Variants in RPAP3 observed in about 807,000 individuals in gnomAD.
RPAP3 encodes the protein RNA polymerase II-associated protein 3.
In RPAP3, 58 loss-of-function variants were observed where a neutral mutation model predicts 88.8. The ratio of observed to expected loss-of-function variants is 0.65; its 90% CI spans 0.53 to 0.81. The LOEUF is 0.81. Ranked by LOEUF, RPAP3 falls within the 40% of genes least tolerant of loss-of-function variation. The pLI is 0.00. For missense variants in RPAP3, 751 were observed against 764.3 expected (o/e 0.98, Z 0.20); for synonymous variants, 255 against 259.9 (o/e 0.98, Z 0.18).
intron 9 of RPAP3, among the ~76,000 whole-genome samples, chr12:47,683,175 C>T (rs1400908357): frequency 6.6e-6 from 1 of 152,190 alleles, no homozygotes. Flanking sequence ...TCCAGGAATT[C>T]CCCTGCCTGG....
At chr12:47,669,754 T>C (rs543729378) in intron 13 of RPAP3, among the ~76,000 whole-genome samples, 8 of 152,274 alleles carry the variant, frequency 5.3e-5, no homozygotes, top group African/African-American at 1.9e-4. Flanking sequence ...GATGAAATAA[T>C]GGCAATCCAT....
At chr12:47,678,090 C>T (rs1186930853) in intron 12 of RPAP3, among the ~76,000 whole-genome samples, 1 of 152,066 alleles carries the variant, frequency 6.6e-6, no homozygotes, top group East Asian at 1.9e-4. Context: ...TCAGAAATAA[C>T]ACCACACATC....
In RPAP3 at chr12:47,686,793, G is replaced by C; in HGVS notation, c.979C>G (p.Leu327Val). 1 of 1,582,036 alleles carries C rather than the reference G, an allele frequency of 6.3e-7. No individual in the cohort carries two copies. The highest frequency in any genetic ancestry group is 8.6e-7 in the Non-Finnish European group (1 of 1,166,694). The change falls in exon 9 of 17, where the codon CTG becomes GTG. Residue 327 changes from leucine (L) to valine (V), a missense_variant. Leu to Val is a conservative substitution (Grantham distance 32). Transcript: ENST00000005386. Reference sequence around the variant, plus strand: ...ACCAATACTTACTTCTGAATCTTCAGATAGGCCATAGCTCTGTTAGCTGGA... The same window carrying C: ...ACCAATACTTACTTCTGAATCTTCACATAGGCCATAGCTCTGTTAGCTGGA... ...LLPANRAMAY[L>V]KIQKYEEAEK...
chr12:47,673,002 G>C (rs531809276), intron 12 of RPAP3, among the ~76,000 whole-genome samples: 1 of 152,250 alleles, frequency 6.6e-6, no homozygotes, highest in East Asian at 1.9e-4. Flanking sequence ...GTCTTACAAA[G>C]ATGTAAAAGT....
chr12:47,677,509 A>G (rs1939140974), intron 12 of RPAP3, among the ~76,000 whole-genome samples: 1 of 152,112 alleles, frequency 6.6e-6, no homozygotes, highest in African/African-American at 2.4e-5. Context: ...TCTCAGCCCA[A>G]AATCTCCTTA....
chr12:47,703,629 T>C (rs1939703492), intron 1 of RPAP3, among the ~76,000 whole-genome samples: 1 of 152,016 alleles, frequency 6.6e-6, no homozygotes, highest in African/African-American at 2.4e-5. Context: ...CCCAGAGGTG[T>C]TGGAACTTTA....
intron 9 of RPAP3, among the ~76,000 whole-genome samples, chr12:47,686,027 AAATATCCTGAG>A (rs1420501877): frequency 6.6e-6 from 1 of 152,240 alleles, no homozygotes; most frequent in Non-Finnish European, 1.5e-5. Flanking sequence ...AAGCATTTAA[AAATATCCTGAG>A]AAGCGTTCAA....
At position 47,667,024 on chromosome 12, in the gene RPAP3, CTT is replaced by C; in HGVS notation, c.1866_1867del (p.Arg623ValfsTer2). The C allele has an allele frequency of 6.5e-7, 1 of 1,535,190 alleles. No homozygotes were observed. The highest frequency in any genetic ancestry group is 2.5e-5 in the East Asian group (1 of 40,154). ...CATAAACATCACTGCCATATCAAAC[CTT>C]TTTAGTTCAGAAAGTCTTTGTAAGA... On this transcript the variant is annotated frameshift_variant, in exon 16 of 17. Coordinates refer to ENST00000005386, the MANE Select transcript of RPAP3 (RefSeq NM_024604.3). LOFTEE classifies it high-confidence loss of function.
intron 8 of RPAP3, 43 bp from the exon 9 acceptor site, chr12:47,686,950 C>CA (rs747246311): frequency 5.4e-5 from 67 of 1,233,702 alleles, no homozygotes; most frequent in South Asian, 9.3e-5. Flanking sequence ...AAAAAAATTT[C>CA]AAAAAAAATA....
intron 12 of RPAP3, among the ~76,000 whole-genome samples, chr12:47,673,441 T>C (rs1939040589): frequency 1.1e-5 from 1 of 92,346 alleles, no homozygotes; most frequent in African/African-American, 4.7e-5. Flanking sequence ...TGAAACTCCG[T>C]CTCAAAAAAA....
At chr12:47,685,079 A>G (rs1250285404) in intron 9 of RPAP3, among the ~76,000 whole-genome samples, 1 of 152,180 alleles carries the variant, frequency 6.6e-6, no homozygotes, top group Non-Finnish European at 1.5e-5. Context: ...TTTGTCACCA[A>G]TAAAAATCAG....
intron 1 of RPAP3, among the ~76,000 whole-genome samples, chr12:47,705,626 C>A (rs186833827): frequency 7.2e-5 from 11 of 152,360 alleles, no homozygotes; most frequent in Admixed American, 7.2e-4. Context: ...ACCGCACACC[C>A]ACGCCGCAAG....
chr12:47,680,208 C>T (rs1015830197), intron 10 of RPAP3, among the ~76,000 whole-genome samples: 1 of 152,084 alleles, frequency 6.6e-6, no homozygotes, highest in African/African-American at 2.4e-5. Context: ...GGCAAAAGGA[C>T]AAATACTGCA....
intron 12 of RPAP3, among the ~76,000 whole-genome samples, chr12:47,678,047 A>G (rs1293090201): frequency 6.6e-6 from 1 of 152,230 alleles, no homozygotes; most frequent in Non-Finnish European, 1.5e-5. Context: ...GTACCAAAAC[A>G]GAGATATAGA....
At chr12:47,683,066 C>G (rs564482061) in intron 9 of RPAP3, among the ~76,000 whole-genome samples, 48 of 152,248 alleles carry the variant, frequency 3.2e-4, no homozygotes, top group African/African-American at 1.1e-3. Flanking sequence ...ATCAACCTGC[C>G]TACTCCCACG....
chr12:47,674,894 G>C (rs2136615491), intron 12 of RPAP3, among the ~76,000 whole-genome samples: 1 of 152,198 alleles, frequency 6.6e-6, no homozygotes, highest in South Asian at 2.1e-4. Flanking sequence ...AAAATACAGA[G>C]AATGCCACAA....
chr12:47,673,406 G>GCA (rs1461457969), intron 12 of RPAP3, among the ~76,000 whole-genome samples: 1 of 133,768 alleles, frequency 7.5e-6, no homozygotes, highest in Non-Finnish European at 1.5e-5. Context: ...TCGCGCCACT[G>GCA]CACTCCAGCC....
intron 1 of RPAP3, among the ~76,000 whole-genome samples, chr12:47,704,430 G>A (rs1036545469): frequency 3.3e-5 from 5 of 151,970 alleles, no homozygotes; most frequent in African/African-American, 7.2e-5. Flanking sequence ...GTGCAGTGGC[G>A]CAAACTCAGC....
At chr12:47,690,111 A>C (rs1939401528) in intron 6 of RPAP3, among the ~76,000 whole-genome samples, 1 of 152,152 alleles carries the variant, frequency 6.6e-6, no homozygotes, top group Non-Finnish European at 1.5e-5. Context: ...CTTTATTCAG[A>C]TTTTGTGATT....
Sources: gnomAD v4.1 joint callset for allele counts (sites outside exome capture counted in the v4.1 genomes callset) on GRCh38, gnomAD v4.1.1 for gene constraint, MANE v1.5 for transcripts, NCBI Gene and HGNC (gene_info 2026-07-23, HGNC 2026-07-21) for gene names.